WDR26: variants seen among roughly 807,000 people sequenced by gnomAD.
The protein encoded by WDR26 is WD repeat domain 26, also known as WD repeat-containing protein 26.
In WDR26, 5 loss-of-function variants were observed where a neutral mutation model predicts 84.1. The observed-to-expected ratio is 0.06, with a 90% CI of 0.03 to 0.13. The LOEUF is 0.13. Among genes scored for constraint, WDR26 ranks in the 10% least tolerant of loss-of-function variants. The pLI is 1.00. For synonymous variants in WDR26, 415 were observed against 389.6 expected, an observed-to-expected ratio of 1.07 and a Z score of -0.77; for missense variants, 642 against 974.9, an observed-to-expected ratio of 0.66 and a Z score of 4.55.
At chr1:224,411,311 A>C in intron 7 of WDR26, 116 bp downstream of exon 7, 1 of 1,144,738 alleles carries the variant, frequency 8.7e-7, no homozygotes, top group Middle Eastern at 2.9e-4. Flanking sequence ...AAATGATAAA[A>C]AATGCTCTTA....
At chr1:224,390,786 C>CAAAAACAAA (rs1423937173) in intron 13 of WDR26, among the ~76,000 whole-genome samples, 1 of 151,458 alleles carries the variant, frequency 6.6e-6, no homozygotes, top group Non-Finnish European at 1.5e-5. Context: ...GAAACAAACA[C>CAAAAACAAA]AAAAACAAAA....
chr1:224,410,879 C>CAGAG (rs1365977067), intron 7 of WDR26, among the ~76,000 whole-genome samples: 2 of 151,338 alleles, frequency 1.3e-5, no homozygotes, highest in Admixed American at 6.6e-5. Flanking sequence ...TTTGTAGTGA[C>CAGAG]AGACTCTCCT....
intron 6 of WDR26, among the ~76,000 whole-genome samples, chr1:224,416,153 AC>A (rs1673897108): frequency 6.6e-6 from 1 of 151,946 alleles, no homozygotes; most frequent in South Asian, 2.1e-4. Flanking sequence ...TACAGAGAAG[AC>A]CTTCTAATCA....
In WDR26 at chr1:224,392,087, C is replaced by T. The variant is rs142724835; in HGVS notation, c.2260+1741G>A. ...TAAAATATATCCTCTTCTGGCTGGT[C>T]GCGGTGGCTCATGCCTGTAATCCCA... On this transcript the variant is annotated intron_variant, in intron 13 of 13. Coordinates refer to ENST00000414423, the MANE Select transcript of WDR26 (RefSeq NM_001379403.1). Among the ~76,000 whole-genome samples the T allele has an allele frequency of 1.1e-3, 171 of 152,168 alleles. 1 individual carries two copies. The highest frequency in any genetic ancestry group is 3.9e-3 in the African/African-American group (161 of 41,516).
At chr1:224,426,785 T>C (rs1298577396) in intron 3 of WDR26, among the ~76,000 whole-genome samples, 1 of 151,988 alleles carries the variant, frequency 6.6e-6, no homozygotes, top group African/African-American at 2.4e-5. Context: ...TATATTTTCA[T>C]TTATCAATAT....
chr1:224,431,994 G>T (rs1403487726), intron 1 of WDR26, among the ~76,000 whole-genome samples: 1 of 152,134 alleles, frequency 6.6e-6, no homozygotes, highest in East Asian at 1.9e-4. Context: ...CTTGAAACCA[G>T]AATCAATGTA....
At chr1:224,423,694 T>A (rs1041169579) in intron 4 of WDR26, among the ~76,000 whole-genome samples, 1 of 152,198 alleles carries the variant, frequency 6.6e-6, no homozygotes, top group African/African-American at 2.4e-5. Flanking sequence ...GTGGCAGTGA[T>A]CTATGATTGT....
At chr1:224,400,737 G>C (rs1441313430) in intron 9 of WDR26, among the ~76,000 whole-genome samples, 4 of 151,974 alleles carry the variant, frequency 2.6e-5, no homozygotes, top group African/African-American at 9.7e-5. Context: ...GTAGAGACAG[G>C]GTTTCACCAT....
chr1:224,390,718 C>T (rs1572150959), intron 13 of WDR26, among the ~76,000 whole-genome samples: 2 of 151,960 alleles, frequency 1.3e-5, no homozygotes, highest in Non-Finnish European at 2.9e-5. Flanking sequence ...TGCAGTGAGC[C>T]GAGATTGCAC....
chr1:224,427,022 G>C lies in WDR26; in HGVS notation c.928-2368C>G, dbSNP rs574787660. On this transcript the variant is annotated intron_variant, in intron 3 of 13. Transcript: ENST00000414423. ...GGAGGCTGAGGCAGGAGAATCGATT[G>C]AAACTGGAAGGTGGAGGTTGCAGTG... 3.8e-3 allele frequency among the ~76,000 whole-genome samples: 561 copies of C among 146,736 alleles called. 1 individual carries two copies. The highest frequency in any genetic ancestry group is 0.014 in the African/African-American group (538 of 39,624).
chr1:224,433,622 A>ACC, intron 1 of WDR26, 62 bp downstream of exon 1: 1 of 852,358 alleles, frequency 1.2e-6, no homozygotes, highest in Non-Finnish European at 1.4e-6. Flanking sequence ...CCCTTCCCCT[A>ACC]CCCCCCTGGA....
intron 1 of WDR26, 67 bp downstream of exon 1, chr1:224,433,617 C>CA: frequency 1.1e-6 from 1 of 877,124 alleles, no homozygotes; most frequent in Non-Finnish European, 1.5e-6. Flanking sequence ...TCCGCCCCTT[C>CA]CCCTACCCCC....
chr1:224,404,500 C>T lies in WDR26; in HGVS notation c.1529G>A (p.Ser510Asn). ...AGCAACAAGATAGTTGTCATCTGGACTCCATGCAATATAAGAAACGCCATA... is the reference window on the plus strand; with the variant it reads ...AGCAACAAGATAGTTGTCATCTGGATTCCATGCAATATAAGAAACGCCATA... The change falls in exon 8 of 14, where the codon AGT becomes AAT. Residue 510 changes from serine to asparagine, a missense_variant. Ser to Asn is a conservative substitution (Grantham distance 46). This residue lies in a region of WDR26 where 351 missense variants were observed against 672.8 expected (regional missense o/e 0.52). Transcript: ENST00000414423. The T allele has an allele frequency of 6.2e-7, 1 of 1,614,108 alleles. No individual in the cohort carries two copies. Among genetic ancestry groups the T allele is most frequent in the Non-Finnish European group, 8.5e-7 (1 of 1,179,990 alleles).
intron 3 of WDR26, 107 bp from the exon 4 acceptor site, chr1:224,424,761 A>G (rs771935210): frequency 2.9e-6 from 4 of 1,387,378 alleles, no homozygotes; most frequent in Non-Finnish European, 4.0e-6. Flanking sequence ...GCCCTTTGAA[A>G]TAACTTTTTA....
intron 12 of WDR26, chr1:224,397,758 C>A: frequency 5.1e-6 from 1 of 197,492 alleles, no homozygotes; most frequent in Non-Finnish European, 1.0e-5. Flanking sequence ...TACAAGTCAA[C>A]ATATGAAAGT....
At chr1:224,431,815 C>A in intron 1 of WDR26, 34 bp from the exon 2 acceptor site, 1 of 1,530,644 alleles carries the variant, frequency 6.5e-7, no homozygotes, top group Non-Finnish European at 8.9e-7. Context: ...ACAGACCTGA[C>A]CAATTTTAGG....
chr1:224,401,081 T>C lies in WDR26; in HGVS notation c.1600-12A>G. 1 of 1,609,982 alleles carries C rather than the reference T, an allele frequency of 6.2e-7. No homozygotes were observed. The highest frequency in any genetic ancestry group is 8.5e-7 in the Non-Finnish European group (1 of 1,178,526). On this transcript the variant is annotated splice_polypyrimidine_tract_variant and intron_variant, in intron 8 of 13. Coordinates refer to ENST00000414423, the MANE Select transcript of WDR26 (RefSeq NM_001379403.1). ...CTTAGTTCTCCTGTCTATAAGGAAA[T>C]AAAACTGTAAATGAGACCTTCAAGA...
intron 3 of WDR26, chr1:224,431,083 G>A (rs1373878990): frequency 6.4e-6 from 1 of 155,046 alleles, no homozygotes; most frequent in East Asian, 1.9e-4. Flanking sequence ...AAAAGATAAT[G>A]TATCAGCTTC....
At chr1:224,431,387 T>G in intron 3 of WDR26, 90 bp downstream of exon 3, 1 of 1,197,774 alleles carries the variant, frequency 8.3e-7, no homozygotes. Flanking sequence ...CTTTTAGGCC[T>G]TATTTTTTTA....
Sources: allele counts gnomAD v4.1 joint callset (sites outside exome capture counted in the v4.1 genomes callset), GRCh38; gene constraint gnomAD v4.1.1; regional missense constraint gnomAD v4.1.1; transcripts MANE v1.5; gene names NCBI Gene and HGNC (gene_info 2026-07-23, HGNC 2026-07-21).